NFATC1: variants seen among roughly 807,000 people sequenced by gnomAD.
NFATC1 encodes nuclear factor of activated T-cells, cytoplasmic 1.
Under a neutral mutation model 76.0 loss-of-function variants are expected in NFATC1, and 22 were observed. The ratio of observed to expected loss-of-function variants is 0.29; its 90% CI spans 0.21 to 0.41. NFATC1 has a LOEUF of 0.41. Among genes scored for constraint, NFATC1 ranks in the 10% least tolerant of loss-of-function variants. The probability of loss-of-function intolerance (pLI) is 1.00; values close to 1 mark genes in which losing one functional copy is unlikely to be tolerated. For missense variants in NFATC1, 1,357 were observed against 1,337.7 expected (o/e 1.01, Z -0.23); for synonymous variants, 704 against 613.1 (o/e 1.15, Z -2.19).
At chr18:79,408,100 C>T (rs7239043) in intron 1 of NFATC1, among the ~76,000 whole-genome samples, 11,339 of 152,266 alleles carry the variant, frequency 0.074, 1,360 homozygotes, top group African/African-American at 0.25. Flanking sequence ...GCTGCCGTGC[C>T]GTGTTTCCCA....
chr18:79,428,506 A>G (rs2086476820), intron 2 of NFATC1, among the ~76,000 whole-genome samples: 2 of 152,178 alleles, frequency 1.3e-5, no homozygotes, highest in Non-Finnish European at 2.9e-5. Context: ...CGCTCAGGGC[A>G]TGACCGGAGA....
At chr18:79,454,039 G>C (rs1314549805) in intron 6 of NFATC1, among the ~76,000 whole-genome samples, 2 of 152,194 alleles carry the variant, frequency 1.3e-5, no homozygotes, top group African/African-American at 2.4e-5. Context: ...CTCGTTTTCT[G>C]ATGGGATCGT....
At chr18:79,481,437 C>T (rs1300330687) in intron 8 of NFATC1, among the ~76,000 whole-genome samples, 1 of 152,248 alleles carries the variant, frequency 6.6e-6, no homozygotes, top group Non-Finnish European at 1.5e-5. Flanking sequence ...TAAAACGAGG[C>T]GGGTAGGGTT....
chr18:79,487,855 C>T (rs1009469215), intron 9 of NFATC1, among the ~76,000 whole-genome samples: 2 of 152,038 alleles, frequency 1.3e-5, no homozygotes, highest in Non-Finnish European at 2.9e-5. Context: ...GGTGACCACG[C>T]GTTAGAGGGC....
At chr18:79,433,911 C>T (rs577452182) in intron 3 of NFATC1, among the ~76,000 whole-genome samples, 173 bp downstream of exon 3, 133 of 152,380 alleles carry the variant, frequency 8.7e-4, no homozygotes, top group African/African-American at 3.0e-3. Context: ...GAGCATGCCA[C>T]AGCTCCTCCT....
At chr18:79,466,522 C>T (rs766959925) in intron 7 of NFATC1, among the ~76,000 whole-genome samples, 1 of 152,144 alleles carries the variant, frequency 6.6e-6, no homozygotes, top group Non-Finnish European at 1.5e-5. Context: ...CCGACCTCTG[C>T]GAACAGCGCC....
At chr18:79,487,986 C>T (rs1282511852) in intron 9 of NFATC1, among the ~76,000 whole-genome samples, 1 of 152,188 alleles carries the variant, frequency 6.6e-6, no homozygotes, top group African/African-American at 2.4e-5. Flanking sequence ...GCAGACACAC[C>T]TGGAGCCACT....
intron 8 of NFATC1, chr18:79,468,256 C>T (rs866980779): frequency 4.6e-5 from 7 of 151,652 alleles, no homozygotes; most frequent in African/African-American, 1.5e-4. Context: ...TTTGTTTCTT[C>T]AGTCCCTGAA....
Position 79,410,949 on chromosome 18 carries a change from TG to T in NFATC1, c.679del (p.Ala227ProfsTer69). On this transcript the variant is annotated frameshift_variant, in exon 2 of 10. Coordinates refer to ENST00000427363, the MANE Select transcript of NFATC1 (RefSeq NM_001278669.2). LOFTEE classifies it high-confidence loss of function. This position sits in a 1 kb window ranked among gnomAD's most constrained non-coding sequence, Gnocchi z 6.7. Reference sequence around the variant, plus strand: ...CCCGAGGAGGGCTTTCCCCGCGGGCTGGGGGCCTGCACACTGCTGGGTTCCC... The same window carrying T: ...CCCGAGGAGGGCTTTCCCCGCGGGCTGGGGCCTGCACACTGCTGGGTTCCC... The part of the protein sequence containing the change: ...TDPEEGFPRG[L>X]GACTLLGSPR... 1 of 1,602,464 alleles carries T rather than the reference TG, an allele frequency of 6.2e-7. No homozygotes were observed. The highest frequency in any genetic ancestry group is 8.5e-7 in the Non-Finnish European group (1 of 1,175,212).
At chr18:79,525,967 G>A (rs114662862) in intron 9 of NFATC1, among the ~76,000 whole-genome samples, 310 of 152,378 alleles carry the variant, frequency 2.0e-3, no homozygotes, top group African/African-American at 7.1e-3. Context: ...AGCAGGGCAC[G>A]GAGCTCCTGG....
chr18:79,528,095 G>A lies in NFATC1; in HGVS notation c.*518G>A, dbSNP rs766034491. 7.5e-6 allele frequency: 3 copies of A among 400,460 alleles called. No homozygotes were observed. The highest frequency in any genetic ancestry group is 1.3e-5 in the Non-Finnish European group (3 of 227,558). The allele number at this position is 400,460 out of a possible 1,614,324, so 24.8% of individuals were successfully genotyped here. On this transcript the variant is annotated 3_prime_UTR_variant, in exon 10 of 10. Transcript: ENST00000427363. ...AGGCTGCGAGAGGACTCTAGTATGA[G>A]TCTCCAACATTTGGAACGTTTCCTG...
At chr18:79,473,307 T>C (rs777366424) in intron 8 of NFATC1, among the ~76,000 whole-genome samples, 28 of 152,274 alleles carry the variant, frequency 1.8e-4, no homozygotes, top group Non-Finnish European at 3.2e-4. Context: ...AGACAGCTTT[T>C]ATTAAATTTC....
intron 9 of NFATC1, among the ~76,000 whole-genome samples, chr18:79,494,134 C>T (rs1297579424): frequency 6.6e-6 from 1 of 152,248 alleles, no homozygotes; most frequent in African/African-American, 2.4e-5. Context: ...GTTTCAGTTC[C>T]TCTCGAGAAA....
chr18:79,451,364 G>A (rs1300595786), intron 5 of NFATC1, among the ~76,000 whole-genome samples: 22 of 152,260 alleles, frequency 1.4e-4, no homozygotes, highest in Non-Finnish European at 2.9e-5. Context: ...CAGGGAAAGC[G>A]GTGTGGGCCG....
chr18:79,431,298 A>T (rs1459158078), intron 2 of NFATC1, among the ~76,000 whole-genome samples: 1 of 152,218 alleles, frequency 6.6e-6, no homozygotes, highest in African/African-American at 2.4e-5. Context: ...AGTTGATTCC[A>T]TTCAAGCTGC....
intron 3 of NFATC1, among the ~76,000 whole-genome samples, chr18:79,445,981 A>G (rs2087191264): frequency 6.6e-6 from 1 of 152,250 alleles, no homozygotes; most frequent in African/African-American, 2.4e-5. Context: ...TGTAACGTGT[A>G]GGAGACTCAG....
At chr18:79,472,794 G>A (rs2088838509) in intron 8 of NFATC1, among the ~76,000 whole-genome samples, 1 of 152,190 alleles carries the variant, frequency 6.6e-6, no homozygotes, top group Non-Finnish European at 1.5e-5. Context: ...CCAAGCTCCT[G>A]ACAACGTCAG....
intron 2 of NFATC1, among the ~76,000 whole-genome samples, chr18:79,430,375 A>G (rs1187564884): frequency 6.6e-6 from 1 of 151,346 alleles, no homozygotes; most frequent in South Asian, 2.1e-4. Context: ...TTTCACTGTG[A>G]ATTTTGTTTT....
At chr18:79,464,685 T>TATATAG (rs2088358430) in intron 7 of NFATC1, among the ~76,000 whole-genome samples, 1 of 112,806 alleles carries the variant, frequency 8.9e-6, no homozygotes, top group African/African-American at 4.4e-5. Context: ...TGTATGTGTA[T>TATATAG]ATATATATAT....
Sources: gnomAD v4.1 joint callset for allele counts (sites outside exome capture counted in the v4.1 genomes callset) on GRCh38, gnomAD v4.1.1 for gene constraint, Gnocchi (gnomAD v3.1) non-coding constraint, MANE v1.5 for transcripts, NCBI Gene and HGNC (gene_info 2026-07-23, HGNC 2026-07-21) for gene names.